Variants in FBXO41 observed in about 807,000 individuals in gnomAD.
FBXO41 encodes the protein F-box protein 41.
FBXO41 carries 33 observed loss-of-function variants against 81.6 expected under a neutral mutation model. The observed-to-expected ratio is 0.40, with a 90% CI of 0.31 to 0.54. The LOEUF (loss-of-function observed/expected upper bound fraction) is 0.54, where lower values mean the gene tolerates loss of function less well. Among genes scored for constraint, FBXO41 ranks in the 20% least tolerant of loss-of-function variants. The pLI is 0.39. For missense variants in FBXO41, 1,107 were observed against 1,236.0 expected (o/e 0.90, Z 1.56); for synonymous variants, 576 against 552.7 (o/e 1.04, Z -0.59).
intron 1 of FBXO41, among the ~76,000 whole-genome samples, chr2:73,282,549 A>G (rs1688877329): frequency 6.6e-6 from 1 of 152,090 alleles, no homozygotes; most frequent in South Asian, 2.1e-4. Flanking sequence ...CCAAAAGAAA[A>G]AAAATTAGGC....
At chr2:73,270,965 A>G in intron 1 of FBXO41, 1 of 533,056 alleles carries the variant, frequency 1.9e-6, no homozygotes, top group Non-Finnish European at 3.9e-6. Flanking sequence ...TGACCCCTCC[A>G]TCTTCACAGC....
At position 73,264,455 on chromosome 2, in the gene FBXO41, A is replaced by G. The variant is rs776862486; in HGVS notation, c.1629T>C (p.Asn543=). ...RAERVSPSRS[N]EVISPEILKM... ...TCAGGATCTCTGGGCTGATGACCTCATTGGAGCGTGAGGGGCTGACCCTCT... is the reference window on the plus strand; with the variant it reads ...TCAGGATCTCTGGGCTGATGACCTCGTTGGAGCGTGAGGGGCTGACCCTCT... Residue 543 remains asparagine (N), a synonymous_variant, in exon 6 of 13, where the codon AAT becomes AAC. Transcript: ENST00000520530. 1 of 1,613,340 alleles carries G rather than the reference A, an allele frequency of 6.2e-7. No individual in the cohort carries two copies. Among genetic ancestry groups the G allele is most frequent in the African/African-American group, 1.3e-5 (1 of 74,910 alleles).
rs929012900 is a variant in FBXO41 at position 73,257,978 on chromosome 2, T to G, written c.*1004A>C. The G allele has an allele frequency of 1.8e-4, 28 of 152,230 alleles. No homozygotes were observed. Among genetic ancestry groups the G allele is most frequent in the African/African-American group, 6.0e-4 (25 of 41,390 alleles). 9.4% of individuals were successfully genotyped at this position (152,230 alleles called of 1,614,324 possible). A position where few individuals can be genotyped will look rare whatever the true frequency, so the allele number is the denominator to read the frequency against. On this transcript the variant is annotated 3_prime_UTR_variant, in exon 13 of 13. Transcript: ENST00000520530. This position sits in a 1 kb window ranked among gnomAD's most constrained non-coding sequence, Gnocchi z 4.6. ...GACAAGGAAGCAAAGCAAGCCACCCTCCTCCTGGCTTCCTCCACGGCCTCA... is the reference window on the plus strand; with the variant it reads ...GACAAGGAAGCAAAGCAAGCCACCCGCCTCCTGGCTTCCTCCACGGCCTCA...
chr2:73,268,104 G>A (rs537633605), intron 2 of FBXO41, among the ~76,000 whole-genome samples: 55 of 152,168 alleles, frequency 3.6e-4, no homozygotes, highest in Non-Finnish European at 6.0e-4. Flanking sequence ...GCATGTCAGG[G>A]ATCAGCTATG....
intron 1 of FBXO41, chr2:73,270,947 G>A (rs768724486): frequency 1.5e-5 from 8 of 534,000 alleles, no homozygotes; most frequent in South Asian, 7.0e-5. Flanking sequence ...TCCCATGGCC[G>A]ATACTGTTGA....
At chr2:73,273,053 T>C (rs1414141669) in intron 1 of FBXO41, 4 of 152,208 alleles carry the variant, frequency 2.6e-5, no homozygotes, top group Non-Finnish European at 4.4e-5. Flanking sequence ...CAGGTTTTTT[T>C]CCTCACCCCC....
In FBXO41 at chr2:73,268,815, G is replaced by T; in HGVS notation, c.816C>A (p.Leu272=). Residue 272 remains leucine, a synonymous_variant, in exon 2 of 13, where the codon CTC becomes CTA. Coordinates refer to ENST00000520530, the MANE Select transcript of FBXO41 (RefSeq NM_001371389.2). ...CTACGCTCACGTCCACCTGGCGGGA[G>T]AGCTCAGACGCGCGCTCCTCCAGCT... ...KEELEERASE[L]SRQVDVSVEL... 1 of 1,578,786 alleles carries T rather than the reference G, an allele frequency of 6.3e-7. No homozygotes were observed.
Position 73,259,061 on chromosome 2 carries a change from GGGTTAGTTCTCCCTCCGTGCCA to G in FBXO41, c.2566-39_2566-18del. ...TCGCAGAGCCTGCGGACCGAACCCT[GGGTTAGTTCTCCCTCCGTGCCA>G]GGCAGGTGGGGCCCTCCTGCCACAC... On this transcript the variant is annotated intron_variant, in intron 12 of 12. Coordinates refer to ENST00000520530, the MANE Select transcript of FBXO41 (RefSeq NM_001371389.2). The surrounding 1 kb of genome is among the most constrained non-coding windows in gnomAD (Gnocchi z 4.2). The G allele has an allele frequency of 6.2e-7, 1 of 1,606,110 alleles. No individual in the cohort carries two copies. Among genetic ancestry groups the G allele is most frequent in the Non-Finnish European group, 8.5e-7 (1 of 1,176,092 alleles).
chr2:73,283,103 A>C (rs964235287), intron 1 of FBXO41, among the ~76,000 whole-genome samples: 18 of 152,262 alleles, frequency 1.2e-4, no homozygotes, highest in Non-Finnish European at 2.5e-4. Context: ...TTTAGGAGGC[A>C]TCTGCCAGCA....
intron 2 of FBXO41, among the ~76,000 whole-genome samples, chr2:73,267,925 G>A (rs942359956): frequency 4.6e-5 from 7 of 152,158 alleles, no homozygotes; most frequent in African/African-American, 1.7e-4. Flanking sequence ...AGTTTCTACT[G>A]ACTGCATGAT....
chr2:73,274,109 C>G (rs892080440), intron 1 of FBXO41, among the ~76,000 whole-genome samples: 3 of 152,232 alleles, frequency 2.0e-5, no homozygotes, highest in African/African-American at 4.8e-5. Context: ...TCTGTAAAGG[C>G]ATCGGATTCC....
At chr2:73,272,327 T>G (rs182975283) in intron 1 of FBXO41, 8 of 152,360 alleles carry the variant, frequency 5.3e-5, no homozygotes, top group Admixed American at 2.0e-4. Context: ...GAAGAAAATT[T>G]GGGCTTGCCC....
rs1459116310 is a variant in FBXO41, at chr2:73,263,707, G to A, written c.2046C>T (p.Tyr682=). ...ACGTGACAGCCTGCAGGGCACGGCA[G>A]TAGCAGCTGGCCAGCCAGAGCGAGC... ...TDRSLWLASC[Y]CRALQAVTYR... Residue 682 remains tyrosine, a synonymous_variant, in exon 8 of 13, where the codon TAC becomes TAT. Transcript: ENST00000520530. The A allele has an allele frequency of 6.2e-7, 1 of 1,613,856 alleles. No individual in the cohort carries two copies. The highest frequency in any genetic ancestry group is 8.5e-7 in the Non-Finnish European group (1 of 1,179,890).
At position 73,258,880 on chromosome 2, in the gene FBXO41, C is replaced by A; in HGVS notation, c.*102G>T. On this transcript the variant is annotated 3_prime_UTR_variant, in exon 13 of 13. Transcript: ENST00000520530. Reference sequence around the variant, plus strand: ...GTCCCCCTCCAGAAGCCAGGGATAACACTCGGCCTCCAAAGGTCTAGTCCA... The same window carrying A: ...GTCCCCCTCCAGAAGCCAGGGATAAAACTCGGCCTCCAAAGGTCTAGTCCA... 1 of 1,265,420 alleles carries A rather than the reference C, an allele frequency of 7.9e-7. No homozygotes were observed. Among genetic ancestry groups the A allele is most frequent in the Non-Finnish European group, 1.1e-6 (1 of 932,152 alleles). The allele number at this position is 1,265,420 out of a possible 1,614,324, so 78.4% of individuals were successfully genotyped here.
At position 73,265,200 on chromosome 2, in the gene FBXO41, G is replaced by C; in HGVS notation, c.1564+82C>G. On this transcript the variant is annotated intron_variant, in intron 5 of 12. Transcript: ENST00000520530. ...TATGTAGGAGGGGTGGGCAAGTCTG[G>C]GGAAAGGGGAGGGGGGTGCAGGAGC... The C allele has an allele frequency of 4.4e-6, 6 of 1,352,714 alleles. No individual in the cohort carries two copies. The South Asian group carries it at 7.2e-5, about 16-fold the overall frequency. 83.8% of individuals were successfully genotyped at this position (1,352,714 alleles called of 1,614,324 possible).
rs1301024603 is a variant in FBXO41 at position 73,265,879 on chromosome 2, G to A, written c.1205+14C>T. Reference sequence around the variant, plus strand: ...AGGGTGGGCTGCATGGGGTGGGCTGGGCCCAAGGCTTACCCTGTGCTCGGA... The same window carrying A: ...AGGGTGGGCTGCATGGGGTGGGCTGAGCCCAAGGCTTACCCTGTGCTCGGA... On this transcript the variant is annotated intron_variant, in intron 4 of 12. Coordinates refer to ENST00000520530, the MANE Select transcript of FBXO41 (RefSeq NM_001371389.2). 1 of 1,576,728 alleles carries A rather than the reference G, an allele frequency of 6.3e-7. No individual in the cohort carries two copies. The highest frequency in any genetic ancestry group is 8.6e-7 in the Non-Finnish European group (1 of 1,160,686).
At chr2:73,275,851 A>C (rs906711552) in intron 1 of FBXO41, among the ~76,000 whole-genome samples, 2 of 151,918 alleles carry the variant, frequency 1.3e-5, no homozygotes, top group Non-Finnish European at 2.9e-5. Context: ...AAGTGGCGCA[A>C]TCTTGGCTCA....
intron 8 of FBXO41, 148 bp from the exon 9 acceptor site, chr2:73,263,456 T>TA: frequency 1.3e-6 from 1 of 772,870 alleles, no homozygotes; most frequent in Non-Finnish European, 2.0e-6. Flanking sequence ...CCGTCTCCAT[T>TA]TAAAAAAAAA....
Position 73,279,970 on chromosome 2 carries a change from A to G in FBXO41, c.-139+4190T>C, listed in dbSNP as rs13398755. 3.2e-3 allele frequency among the ~76,000 whole-genome samples: 488 copies of G among 152,236 alleles called. 6 individuals carry two copies. The highest frequency in any genetic ancestry group is 0.011 in the African/African-American group (461 of 41,508). On this transcript the variant is annotated intron_variant, in intron 1 of 12. Transcript: ENST00000520530. ...ACAGGGAGAGGATGAAAAGGGTGCT[A>G]TTTCAATGTTGGCGGCTCAAAGCTT...
Sources: allele counts gnomAD v4.1 joint callset (sites outside exome capture counted in the v4.1 genomes callset), GRCh38; gene constraint gnomAD v4.1.1; non-coding constraint Gnocchi (gnomAD v3.1); transcripts MANE v1.5; gene names NCBI Gene and HGNC (gene_info 2026-07-23, HGNC 2026-07-21).